The following TANK variants were observed in gnomAD, a reference collection of about 807,000 sequenced individuals.
TANK encodes TRAF family member-associated NF-kappa-B activator.
A neutral mutation model predicts 43.6 loss-of-function variants in TANK; 15 were observed. The observed-to-expected ratio is 0.34, with a 90% CI of 0.23 to 0.53. The LOEUF is 0.53. TANK is among the 20% of genes least tolerant of loss of function. The probability of loss-of-function intolerance (pLI) is 0.94; values close to 1 mark genes in which losing one functional copy is unlikely to be tolerated. For missense variants in TANK, 417 were observed against 498.6 expected (o/e 0.84, Z 1.56); for synonymous variants, 162 against 178.2 (o/e 0.91, Z 0.73).
chr2:161,160,223 T>G (rs1332786712), upstream of TANK: 3 of 393,826 alleles, frequency 7.6e-6, no homozygotes, highest in Non-Finnish European at 1.3e-5. Flanking sequence ...CTGACGCTTT[T>G]TTTTTCTAAG....
At chr2:161,143,166 T>G (rs1683801359) in intron 1 of TANK, among the ~76,000 whole-genome samples, 1 of 152,216 alleles carries the variant, frequency 6.6e-6, no homozygotes, top group Non-Finnish European at 1.5e-5. Flanking sequence ...TTTTGCACAC[T>G]GATTTTGTAT....
intron 4 of TANK, among the ~76,000 whole-genome samples, chr2:161,218,829 G>C (rs1687226894): frequency 6.6e-6 from 1 of 152,042 alleles, no homozygotes; most frequent in Non-Finnish European, 1.5e-5. Context: ...TCTTTTTTGA[G>C]ATGAGTTCTT....
At chr2:161,206,993 A>G (rs1686680380) in intron 4 of TANK, among the ~76,000 whole-genome samples, 1 of 152,144 alleles carries the variant, frequency 6.6e-6, no homozygotes, top group Admixed American at 6.5e-5. Flanking sequence ...GATGATGTGA[A>G]AAGTTCTAAG....
Position 161,151,181 on chromosome 2 carries a change from T to C in TANK, c.-50+14118T>C, listed in dbSNP as rs77936593. On this transcript the variant is annotated intron_variant, in intron 1 of 7. Transcript: ENST00000259075. ...ATCTTTTTAAATATATTAAGACTTT[T>C]TGTGGCCTAACATTTGATCTATCCT... Among the ~76,000 whole-genome samples, 541 of 152,336 alleles carry C rather than the reference T, an allele frequency of 3.6e-3. 2 individuals are homozygous for C. The highest frequency in any genetic ancestry group is 0.019 in the East Asian group (101 of 5,192).
chr2:161,164,032 G>A (rs1684561101), intron 1 of TANK, among the ~76,000 whole-genome samples: 1 of 152,170 alleles, frequency 6.6e-6, no homozygotes, highest in Non-Finnish European at 1.5e-5. Flanking sequence ...ACACTGAAGC[G>A]TTACTAACAG....
At chr2:161,200,307 T>TA (rs1298839433) in intron 2 of TANK, 12 of 976,672 alleles carry the variant, frequency 1.2e-5, no homozygotes, top group South Asian at 9.5e-5. Context: ...AATTGTATTT[T>TA]AAAAAAATAC....
At chr2:161,212,601 A>G in intron 4 of TANK, 1 of 985,324 alleles carries the variant, frequency 1.0e-6, no homozygotes, top group African/African-American at 1.7e-5. Flanking sequence ...CACCTTCTAA[A>G]TTGTCTTTCC....
At chr2:161,160,773 C>G in intron 1 of TANK, 1 of 563,384 alleles carries the variant, frequency 1.8e-6, no homozygotes. Context: ...AGGGACTCGT[C>G]CCGGCTGCTT....
At chr2:161,140,424 C>T (rs945280794) in intron 1 of TANK, among the ~76,000 whole-genome samples, 4 of 151,524 alleles carry the variant, frequency 2.6e-5, no homozygotes, top group Non-Finnish European at 5.9e-5. Flanking sequence ...AAAATCATCT[C>T]CATAACTATG....
At chr2:161,218,067 T>G (rs1030789488) in intron 4 of TANK, among the ~76,000 whole-genome samples, 1 of 152,184 alleles carries the variant, frequency 6.6e-6, no homozygotes, top group Non-Finnish European at 1.5e-5. Context: ...AAATTGCCTA[T>G]GTTAACAAGT....
intron 4 of TANK, among the ~76,000 whole-genome samples, chr2:161,220,295 A>C (rs991780935): frequency 6.6e-6 from 1 of 152,190 alleles, no homozygotes; most frequent in Non-Finnish European, 1.5e-5. Flanking sequence ...GTTTAGTCAG[A>C]ATTATCTTTA....
At chr2:161,228,144 T>C (rs1687724397) in intron 6 of TANK, among the ~76,000 whole-genome samples, 1 of 152,240 alleles carries the variant, frequency 6.6e-6, no homozygotes, top group African/African-American at 2.4e-5. Context: ...AACAGAGTTA[T>C]ACTTGGAAAT....
intron 1 of TANK, among the ~76,000 whole-genome samples, chr2:161,140,186 T>C (rs1479418373): frequency 1.3e-5 from 2 of 152,132 alleles, no homozygotes; most frequent in Non-Finnish European, 2.9e-5. Context: ...CAATAGGAGT[T>C]ATCTGTTCCT....
chr2:161,188,765 T>C (rs1360245158), intron 2 of TANK, among the ~76,000 whole-genome samples: 1 of 152,194 alleles, frequency 6.6e-6, no homozygotes, highest in Non-Finnish European at 1.5e-5. Flanking sequence ...GGTTTGAATG[T>C]TTGTCGCCTC....
chr2:161,202,264 A>G (rs1402014694), intron 2 of TANK, among the ~76,000 whole-genome samples: 1 of 132,910 alleles, frequency 7.5e-6, no homozygotes, highest in Non-Finnish European at 1.5e-5. Context: ...ATCTTGGCTC[A>G]CTGCAAGCTC....
chr2:161,163,492 T>G (rs1461657206), intron 1 of TANK: 1 of 152,204 alleles, frequency 6.6e-6, no homozygotes, highest in African/African-American at 2.4e-5. Flanking sequence ...TTGCTATTCT[T>G]TCTCTTCTCT....
chr2:161,201,094 T>A, intron 2 of TANK: 6 of 985,136 alleles, frequency 6.1e-6, no homozygotes, highest in Non-Finnish European at 7.2e-6. Context: ...ATGTGAAAAG[T>A]GTAGGAGGAA....
At position 161,204,737 on chromosome 2, in the gene TANK, C is replaced by T; in HGVS notation, c.271C>T (p.Leu91Phe). Residue 91 changes from leucine (L) to phenylalanine (F), a missense_variant, in exon 4 of 8, where the codon CTT becomes TTT. By Grantham distance (22) the Leu-to-Phe change is conservative. Coordinates refer to ENST00000392749, the MANE Select transcript of TANK (RefSeq NM_001199135.3). ...TGAAACAAGAAAGAATAATTTGACT[C>T]TTGATCAGCCACAAGATAAAGTGAT... ...DSETRKNNLT[L>F]DQPQDKVISG... The T allele has an allele frequency of 6.2e-7, 1 of 1,607,780 alleles. No individual in the cohort carries two copies. The highest frequency in any genetic ancestry group is 1.1e-5 in the South Asian group (1 of 90,108).
At chr2:161,227,051 G>A (rs979788528) in intron 6 of TANK, 1 of 152,182 alleles carries the variant, frequency 6.6e-6, no homozygotes, top group African/African-American at 2.4e-5. Context: ...TTGCTCACCT[G>A]ATCATGTTTC....
Sources: allele counts gnomAD v4.1 joint callset (sites outside exome capture counted in the v4.1 genomes callset), GRCh38; gene constraint gnomAD v4.1.1; transcripts MANE v1.5; gene names NCBI Gene and HGNC (gene_info 2026-07-23, HGNC 2026-07-21).